The following GRIN2A variants were observed in gnomAD, a reference collection of about 807,000 sequenced individuals.
GRIN2A encodes the protein glutamate ionotropic receptor NMDA type subunit 2A, also known as glutamate receptor ionotropic, NMDA 2A.
In GRIN2A, 22 loss-of-function variants were observed where a neutral mutation model predicts 113.4. The observed-to-expected ratio is 0.19, with a 90% CI of 0.14 to 0.28. GRIN2A has a LOEUF of 0.28. Among genes scored for constraint, GRIN2A ranks in the 10% least tolerant of loss-of-function variants. GRIN2A has a pLI of 1.00. For synonymous variants in GRIN2A, 827 were observed against 738.4 expected (o/e 1.12, Z -1.94); for missense variants, 1,502 against 1,887.0 (o/e 0.80, Z 3.78).
intron 4 of GRIN2A, among the ~76,000 whole-genome samples, chr16:9,863,205 G>A (rs982003408): frequency 6.6e-6 from 1 of 152,144 alleles, no homozygotes; most frequent in Non-Finnish European, 1.5e-5. Flanking sequence ...GGTTTCTTAA[G>A]GGAATATTTC....
At chr16:9,835,913 T>C (rs1232853230) in intron 7 of GRIN2A, among the ~76,000 whole-genome samples, 1 of 152,224 alleles carries the variant, frequency 6.6e-6, no homozygotes, top group African/African-American at 2.4e-5. Context: ...AGTGCAAATA[T>C]ATTAAAAAGC....
chr16:9,924,680 T>C (rs1437151145), intron 3 of GRIN2A, among the ~76,000 whole-genome samples: 1 of 150,228 alleles, frequency 6.7e-6, no homozygotes, highest in African/African-American at 2.5e-5. Context: ...AAACATATAT[T>C]AAAATCCTCA....
intron 11 of GRIN2A, among the ~76,000 whole-genome samples, chr16:9,786,483 C>T (rs553960456): frequency 2.6e-5 from 4 of 152,220 alleles, no homozygotes; most frequent in East Asian, 1.9e-4. Context: ...AAACTTCTGT[C>T]GCAAAGTGAT....
chr16:10,178,780 G>A (rs575185427), intron 2 of GRIN2A, among the ~76,000 whole-genome samples: 2 of 152,338 alleles, frequency 1.3e-5, no homozygotes, highest in African/African-American at 4.8e-5. Flanking sequence ...CTGATGTGAT[G>A]AATATAAAAG....
intron 11 of GRIN2A, among the ~76,000 whole-genome samples, chr16:9,775,050 T>C (rs916601086): frequency 3.3e-5 from 5 of 152,344 alleles, no homozygotes; most frequent in Admixed American, 2.0e-4. Context: ...ATGGATTTTA[T>C]AGCAAGCAAT....
intron 8 of GRIN2A, among the ~76,000 whole-genome samples, chr16:9,830,994 G>A (rs1262458777): frequency 6.6e-6 from 1 of 152,058 alleles, no homozygotes; most frequent in Admixed American, 6.6e-5. Flanking sequence ...CAGAAGGATC[G>A]GTCCAAGACT....
At chr16:10,118,218 A>G (rs761612655) in intron 2 of GRIN2A, among the ~76,000 whole-genome samples, 2 of 152,208 alleles carry the variant, frequency 1.3e-5, no homozygotes, top group Non-Finnish European at 2.9e-5. Flanking sequence ...ATCTGTATTC[A>G]GCCGTGCTGG....
chr16:10,053,724 T>C (rs117169728), intron 2 of GRIN2A, among the ~76,000 whole-genome samples: 2,100 of 152,360 alleles, frequency 0.014, 24 homozygotes, highest in Admixed American at 0.017. Flanking sequence ...TGAAATGCAG[T>C]AAAAGAGCTG....
rs976756521 is a variant in GRIN2A at position 9,913,627 on chromosome 16, A to G, written c.1008-22527T>C. On this transcript the variant is annotated intron_variant, in intron 3 of 12. Coordinates refer to ENST00000330684, the MANE Select transcript of GRIN2A (RefSeq NM_001134407.3). ...AGCTCTGGAACTAAGCAGCTAATGC[A>G]TTCAATTGAGAGAGTGTTTGCATGT... Among the ~76,000 whole-genome samples, 4 of 152,344 alleles carry G rather than the reference A, an allele frequency of 2.6e-5. No homozygotes were observed. In the South Asian group the frequency reaches 8.3e-4, roughly 32 times the overall value.
intron 2 of GRIN2A, among the ~76,000 whole-genome samples, chr16:10,014,902 G>T (rs1160428548): frequency 6.6e-6 from 1 of 152,124 alleles, no homozygotes; most frequent in African/African-American, 2.4e-5. Flanking sequence ...AGCATCTACA[G>T]GAGGATGAGT....
chr16:10,001,942 G>T (rs1037654929), intron 2 of GRIN2A, among the ~76,000 whole-genome samples: 1 of 152,126 alleles, frequency 6.6e-6, no homozygotes, highest in Admixed American at 6.6e-5. Flanking sequence ...CTTTAATTAG[G>T]ATTAGATGCA....
In GRIN2A at chr16:10,050,066, C is replaced by T. The variant is rs368837722; in HGVS notation, c.415-111515G>A. 2.9e-4 allele frequency among the ~76,000 whole-genome samples: 44 copies of T among 152,232 alleles called. No homozygotes were observed. In the South Asian group the frequency reaches 7.7e-3, roughly 27 times the overall value. On this transcript the variant is annotated intron_variant, in intron 2 of 12. Coordinates refer to ENST00000330684, the MANE Select transcript of GRIN2A (RefSeq NM_001134407.3). ...CTGTGAATATGTTAACTTACATGGC[C>T]GAGAAGACTTCACAGAAGTGATTGA...
chr16:9,931,273 T>C (rs2044587654), intron 3 of GRIN2A, among the ~76,000 whole-genome samples: 1 of 152,208 alleles, frequency 6.6e-6, no homozygotes, highest in Non-Finnish European at 1.5e-5. Context: ...CCTAGCTTAC[T>C]CAGAGCTTGC....
chr16:9,964,669 A>G (rs2045515885), intron 2 of GRIN2A, among the ~76,000 whole-genome samples: 1 of 152,070 alleles, frequency 6.6e-6, no homozygotes, highest in Non-Finnish European at 1.5e-5. Flanking sequence ...TCAAGCCAGC[A>G]CCACTGCATC....
At chr16:10,138,398 A>G (rs949843562) in intron 2 of GRIN2A, among the ~76,000 whole-genome samples, 1 of 152,232 alleles carries the variant, frequency 6.6e-6, no homozygotes, top group Non-Finnish European at 1.5e-5. Context: ...ACTTACAATC[A>G]TGGTGGAAGA....
chr16:9,945,658 T>G (rs1371305719), intron 2 of GRIN2A, among the ~76,000 whole-genome samples: 1 of 152,166 alleles, frequency 6.6e-6, no homozygotes, highest in African/African-American at 2.4e-5. Flanking sequence ...TGTTCTTCCC[T>G]CTGGAATTCT....
intron 2 of GRIN2A, among the ~76,000 whole-genome samples, chr16:10,105,679 G>A (rs1351705716): frequency 6.6e-6 from 1 of 152,024 alleles, no homozygotes; most frequent in African/African-American, 2.4e-5. Flanking sequence ...AGTTGAGGTG[G>A]GCAGATCTCC....
At chr16:9,940,747 C>A (rs1567189801) in intron 2 of GRIN2A, among the ~76,000 whole-genome samples, 1 of 152,206 alleles carries the variant, frequency 6.6e-6, no homozygotes, top group South Asian at 2.1e-4. Flanking sequence ...CACCTTCCTA[C>A]CCTGAGGAAC....
At chr16:9,853,702 T>C (rs1281483999) in intron 4 of GRIN2A, among the ~76,000 whole-genome samples, 3 of 152,188 alleles carry the variant, frequency 2.0e-5, no homozygotes, top group African/African-American at 2.4e-5. Flanking sequence ...TGCCTGAAGA[T>C]GGAAGCTTCT....
Sources: gnomAD v4.1 joint callset for allele counts (sites outside exome capture counted in the v4.1 genomes callset) on GRCh38, gnomAD v4.1.1 for gene constraint, MANE v1.5 for transcripts, NCBI Gene and HGNC (gene_info 2026-07-23, HGNC 2026-07-21) for gene names.